CAMKK2: variants seen among roughly 807,000 people sequenced by gnomAD.
CAMKK2 encodes the protein calcium/calmodulin-dependent protein kinase kinase 2.
CAMKK2 carries 30 observed loss-of-function variants against 67.2 expected under a neutral mutation model. The observed-to-expected ratio is 0.45, with a 90% confidence interval of 0.33 to 0.61. CAMKK2 has a LOEUF of 0.61. CAMKK2 is among the 20% of genes least tolerant of loss of function. The pLI, the probability that CAMKK2 is intolerant of heterozygous loss-of-function variation, is 0.02. For synonymous variants in CAMKK2, 322 were observed against 326.2 expected (o/e 0.99, Z 0.14); for missense variants, 643 against 802.0 (o/e 0.80, Z 2.39).
intron 1 of CAMKK2, among the ~76,000 whole-genome samples, chr12:121,276,173 AAG>A (rs1555261648): frequency 3.3e-5 from 5 of 150,140 alleles, no homozygotes; most frequent in African/African-American, 1.2e-4. Context: ...AAAAAAAAAA[AAG>A]AGAGAGAAGT....
At chr12:121,257,303 G>A (rs542110307) in intron 7 of CAMKK2, among the ~76,000 whole-genome samples, 2 of 150,402 alleles carry the variant, frequency 1.3e-5, no homozygotes, top group East Asian at 3.9e-4. Flanking sequence ...CTGGAGTGCA[G>A]TGGCACGATC....
chr12:121,279,825 G>A (rs1420596479), intron 1 of CAMKK2, among the ~76,000 whole-genome samples: 5 of 152,346 alleles, frequency 3.3e-5, no homozygotes, highest in Admixed American at 2.6e-4. Context: ...CCCGGGCCAG[G>A]ATGAGGGAAA....
Position 121,274,284 on chromosome 12 carries a change from G to A in CAMKK2, c.243C>T (p.Val81=). 1 of 1,612,278 alleles carries A rather than the reference G, an allele frequency of 6.2e-7. No homozygotes were observed. The change falls in exon 2 of 17, where the codon GTC becomes GTT. Residue 81 remains valine, a synonymous_variant. Transcript: ENST00000404169. ...DRPLEADGQE[V]PLDTSGSQAR... ...CCTGGGACCCGGAGGTGTCAAGGGGGACCTCTTGGCCATCGGCCTCCAGGG... is the reference window on the plus strand; with the variant it reads ...CCTGGGACCCGGAGGTGTCAAGGGGAACCTCTTGGCCATCGGCCTCCAGGG...
chr12:121,251,709 C>T (rs905043546), intron 11 of CAMKK2, among the ~76,000 whole-genome samples: 11 of 151,764 alleles, frequency 7.2e-5, no homozygotes, highest in African/African-American at 1.2e-4. Context: ...CATCTGTAGT[C>T]CCAGCTACTC....
chr12:121,270,877 C>T, intron 3 of CAMKK2, 21 bp downstream of exon 3: 1 of 1,605,178 alleles, frequency 6.2e-7, no homozygotes, highest in Non-Finnish European at 8.5e-7. Context: ...AGAAAGCCAG[C>T]CTAGCCCCAG....
rs1231812271 is a variant in CAMKK2 at position 121,239,742 on chromosome 12, A to G, written c.*957T>C. ...GGCGGGCATAGGTTTCATCGGCTCT[A>G]ACTGATCACATGCCTGAAGCTGTGA... On this transcript the variant is annotated 3_prime_UTR_variant, in exon 17 of 17. Coordinates refer to ENST00000404169, the MANE Select transcript of CAMKK2 (RefSeq NM_001270485.2). The G allele has an allele frequency of 6.6e-6, 1 of 152,214 alleles. No individual in the cohort carries two copies. Among genetic ancestry groups the G allele is most frequent in the Non-Finnish European group, 1.5e-5 (1 of 68,068 alleles). The allele number at this position is 152,214 out of a possible 1,614,324, so 9.4% of individuals were successfully genotyped here.
intron 14 of CAMKK2, 24 bp downstream of exon 14, chr12:121,248,582 G>A (rs1462368253): frequency 6.2e-7 from 1 of 1,613,902 alleles, no homozygotes. Flanking sequence ...TCCCTGCTCT[G>A]GGTCAGGGGT....
At chr12:121,288,229 A>C (rs1337440635) in intron 1 of CAMKK2, among the ~76,000 whole-genome samples, 2 of 152,196 alleles carry the variant, frequency 1.3e-5, no homozygotes, top group Non-Finnish European at 2.9e-5. Context: ...TGAACAAGAA[A>C]AAGACTTCTA....
chr12:121,243,840 A>G, intron 16 of CAMKK2: 1 of 1,312,374 alleles, frequency 7.6e-7, no homozygotes, highest in Non-Finnish European at 9.8e-7. Flanking sequence ...TATGTTTAAG[A>G]AACAGAAGTG....
chr12:121,262,241 A>G (rs973714653), intron 6 of CAMKK2, among the ~76,000 whole-genome samples: 3 of 152,194 alleles, frequency 2.0e-5, no homozygotes, highest in Admixed American at 6.5e-5. Flanking sequence ...GGCCGGGTGC[A>G]GTGGCTCACT....
In CAMKK2 at chr12:121,253,942, T is replaced by C. The variant is rs1295725772; in HGVS notation, c.908-470A>G. 6.6e-6 allele frequency among the ~76,000 whole-genome samples: 1 copy of C among 152,154 alleles called. No homozygotes were observed. The highest frequency in any genetic ancestry group is 6.5e-5 in the Admixed American group (1 of 15,270). Reference sequence around the variant, plus strand: ...GTGAACCACACACAGAACTCGGGGCTTGGCTAACTCCTCCTGGCTGGATAT... The same window carrying C: ...GTGAACCACACACAGAACTCGGGGCCTGGCTAACTCCTCCTGGCTGGATAT... On this transcript the variant is annotated intron_variant, in intron 9 of 16. Transcript: ENST00000404169. The surrounding 1 kb of genome is among the most constrained non-coding windows in gnomAD (Gnocchi z 5.0).
intron 16 of CAMKK2, among the ~76,000 whole-genome samples, chr12:121,241,352 G>A (rs563415302): frequency 2.0e-5 from 3 of 152,284 alleles, no homozygotes; most frequent in African/African-American, 7.2e-5. Flanking sequence ...CTGGCACACA[G>A]CTGGCCCTCA....
chr12:121,265,369 G>C (rs879748772), intron 5 of CAMKK2, among the ~76,000 whole-genome samples: 1 of 149,652 alleles, frequency 6.7e-6, no homozygotes, highest in African/African-American at 2.5e-5. Flanking sequence ...AAGTGGTAGT[G>C]TGTGTCCACA....
chr12:121,249,670 G>A, intron 13 of CAMKK2, 117 bp downstream of exon 13: 1 of 871,672 alleles, frequency 1.1e-6, no homozygotes, highest in Non-Finnish European at 1.9e-6. Flanking sequence ...CTGGGGCATA[G>A]GAGAACAGCG....
intron 7 of CAMKK2, among the ~76,000 whole-genome samples, chr12:121,259,312 T>C (rs1298545687): frequency 2.0e-5 from 3 of 152,202 alleles, no homozygotes; most frequent in African/African-American, 4.8e-5. Context: ...GTTACGGTGT[T>C]GTCGCTTTCA....
Position 121,296,294 on chromosome 12 carries a change from C to A in CAMKK2, c.-60+344G>T, listed in dbSNP as rs1206347494. Among the ~76,000 whole-genome samples, 3 of 152,304 alleles carry A rather than the reference C, an allele frequency of 2.0e-5. No homozygotes were observed. Among genetic ancestry groups the A allele is most frequent in the Admixed American group, 6.5e-5 (1 of 15,306 alleles). On this transcript the variant is annotated intron_variant, in intron 1 of 16. Coordinates refer to ENST00000404169, the MANE Select transcript of CAMKK2 (RefSeq NM_001270485.2). This position sits in a 1 kb window ranked among gnomAD's most constrained non-coding sequence, Gnocchi z 7.1. ...TCAAACGCGAGGGGCTGGGCCTAGG[C>A]CGCCTCCACGAACCCTGACGGACCC...
At chr12:121,255,292 A>ATATATATATAAT (rs1566059099) in intron 9 of CAMKK2, among the ~76,000 whole-genome samples, 1 of 19,586 alleles carries the variant, frequency 5.1e-5, no homozygotes, top group African/African-American at 2.1e-4. Flanking sequence ...ATATATAATT[A>ATATATATATAAT]TATATATAAT....
intron 7 of CAMKK2, among the ~76,000 whole-genome samples, chr12:121,256,023 G>A (rs1331555976): frequency 6.6e-6 from 1 of 152,186 alleles, no homozygotes; most frequent in Non-Finnish European, 1.5e-5. Context: ...ACGTCCCCAG[G>A]CCCACAGTCT....
intron 1 of CAMKK2, among the ~76,000 whole-genome samples, chr12:121,276,902 T>TGGGGGGGG (rs3078969): frequency 2.1e-5 from 1 of 46,624 alleles, no homozygotes; most frequent in African/African-American, 5.8e-5. Context: ...AAGGGCGGGG[T>TGGGGGGGG]GGGGGGGGGG....
Sources: allele counts gnomAD v4.1 joint callset (sites outside exome capture counted in the v4.1 genomes callset), GRCh38; gene constraint gnomAD v4.1.1; non-coding constraint Gnocchi (gnomAD v3.1); transcripts MANE v1.5; gene names NCBI Gene and HGNC (gene_info 2026-07-23, HGNC 2026-07-21).